The following HIGD1C variants were observed in gnomAD, a reference collection of about 807,000 sequenced individuals.
The protein encoded by HIGD1C is HIG1 hypoxia inducible domain family member 1C.
Under a neutral mutation model 13.1 loss-of-function variants are expected in HIGD1C, and 11 were observed. That is an observed-to-expected ratio of 0.84 (90% CI 0.53 to 1.39). The LOEUF (loss-of-function observed/expected upper bound fraction) is 1.39, where lower values mean the gene tolerates loss of function less well. Among genes scored for constraint, HIGD1C ranks in the 40% most tolerant of loss-of-function variants. The probability of loss-of-function intolerance (pLI) is 0.00; values close to 1 mark genes in which losing one functional copy is unlikely to be tolerated. For missense variants in HIGD1C, 110 were observed against 112.0 expected (o/e 0.98, Z 0.08); for synonymous variants, 36 against 37.7 (o/e 0.95, Z 0.17).
At chr12:50,936,620 T>G in the HIGD1C span, among the ~76,000 whole-genome samples, 1 of 152,362 alleles carries the variant, frequency 6.6e-6, no homozygotes, top group Middle Eastern at 3.4e-3. Flanking sequence ...CAAGATCATC[T>G]TCTGAGTCCA....
intron 1 of HIGD1C, among the ~76,000 whole-genome samples, chr12:50,959,222 C>G (rs1347979288): frequency 6.6e-6 from 1 of 151,728 alleles, no homozygotes; most frequent in African/African-American, 2.4e-5. Flanking sequence ...CGGGTTCAAG[C>G]GATTCTCCTG....
chr12:50,961,158 A>G, intron 2 of HIGD1C, 56 bp downstream of exon 4: 1 of 1,548,666 alleles, frequency 6.5e-7, no homozygotes, highest in South Asian at 1.2e-5. Context: ...ACATTTATTT[A>G]TTTTATTCAT....
At chr12:50,962,560 T>C (rs1939377883) in intron 2 of HIGD1C, among the ~76,000 whole-genome samples, 2 of 151,450 alleles carry the variant, frequency 1.3e-5, no homozygotes, top group African/African-American at 2.4e-5. Flanking sequence ...ATTAGCCAGG[T>C]GTGGCATGCG....
At chr12:50,946,282 A>G in the HIGD1C span, among the ~76,000 whole-genome samples, 1 of 152,250 alleles carries the variant, frequency 6.6e-6, no homozygotes, top group Non-Finnish European at 1.5e-5. Flanking sequence ...CTACCATCAG[A>G]GTGAACAAGC....
At chr12:50,936,790 T>C in the HIGD1C span, among the ~76,000 whole-genome samples, 1 of 152,252 alleles carries the variant, frequency 6.6e-6, no homozygotes, top group Admixed American at 6.5e-5. Flanking sequence ...CCTCATACTT[T>C]TGCCAATCCT....
rs551984964 is a variant in HIGD1C at position 50,958,651 on chromosome 12, T to C, written c.95-2317T>C. Among the ~76,000 whole-genome samples the C allele has an allele frequency of 2.2e-4, 33 of 152,136 alleles. 1 individual carries two copies. The East Asian group carries it at 5.2e-3, about 24-fold the overall frequency. On this transcript the variant is annotated intron_variant, in intron 1 of 2. Transcript: ENST00000398455. The stretch of plus-strand genomic sequence containing the variant: ...CTGGCTGATATTAAGGCTTACTATA[T>C]TGCTACAGTAATCAACATGGTGTGG...
the HIGD1C span, among the ~76,000 whole-genome samples, chr12:50,945,436 A>G: frequency 1.3e-5 from 2 of 152,200 alleles, no homozygotes; most frequent in Non-Finnish European, 2.9e-5. Context: ...CCTATACACC[A>G]ATAACAGACA....
the HIGD1C span, among the ~76,000 whole-genome samples, chr12:50,936,293 A>G: frequency 6.6e-6 from 1 of 152,260 alleles, no homozygotes; most frequent in East Asian, 1.9e-4. Flanking sequence ...ATTTATTTAT[A>G]GAGACAGGAT....
At chr12:50,941,144 A>T in the HIGD1C span, among the ~76,000 whole-genome samples, 1 of 151,994 alleles carries the variant, frequency 6.6e-6, no homozygotes, top group East Asian at 1.9e-4. Context: ...GAGCCACCAT[A>T]CCCAGCTGAA....
chr12:50,934,165 G>A, the HIGD1C span, among the ~76,000 whole-genome samples: 6 of 152,204 alleles, frequency 3.9e-5, no homozygotes, highest in Admixed American at 1.3e-4. Flanking sequence ...GGATTTCACC[G>A]GATTTGGATC....
chr12:50,956,348 C>T (rs555199133), intron 1 of HIGD1C, among the ~76,000 whole-genome samples: 2 of 152,146 alleles, frequency 1.3e-5, no homozygotes, highest in South Asian at 2.1e-4. Flanking sequence ...GCCAAGATTG[C>T]GCCACTGCAC....
chr12:50,959,513 T>G (rs1295095968), intron 1 of HIGD1C, among the ~76,000 whole-genome samples: 1 of 152,236 alleles, frequency 6.6e-6, no homozygotes, highest in Admixed American at 6.5e-5. Context: ...AACTCTTACT[T>G]ATCCAAAAAT....
chr12:50,948,871 GAGGGGA>G, the HIGD1C span, among the ~76,000 whole-genome samples: 4 of 30,338 alleles, frequency 1.3e-4, no homozygotes, highest in South Asian at 2.4e-3. Flanking sequence ...GAGGAGGGGG[GAGGGGA>G]GGGGGAGGGG....
chr12:50,938,897 G>A, the HIGD1C span, among the ~76,000 whole-genome samples: 2 of 152,172 alleles, frequency 1.3e-5, no homozygotes, highest in African/African-American at 4.8e-5. Flanking sequence ...TTTTGCAACT[G>A]ACTCAATCTT....
chr12:50,960,019 G>A (rs1725227436), intron 1 of HIGD1C, among the ~76,000 whole-genome samples: 1 of 152,074 alleles, frequency 6.6e-6, no homozygotes, highest in South Asian at 2.1e-4. Flanking sequence ...TCTTTTTCTA[G>A]AATCTTTCCT....
upstream of HIGD1C, among the ~76,000 whole-genome samples, chr12:50,952,141 CAG>C (rs1426761493): frequency 7.3e-6 from 1 of 136,562 alleles, no homozygotes; most frequent in Non-Finnish European, 1.5e-5. Flanking sequence ...GATTGAAAAA[CAG>C]AATTATATCA....
the HIGD1C span, chr12:50,939,907 T>C: frequency 1.5e-5 from 2 of 131,418 alleles, no homozygotes; most frequent in Non-Finnish European, 3.1e-5. Context: ...ATTCCAATCA[T>C]CTGGATTTTT....
chr12:50,962,141 T>C (rs1939354193), intron 2 of HIGD1C, among the ~76,000 whole-genome samples: 1 of 152,176 alleles, frequency 6.6e-6, no homozygotes. Context: ...ATCCCACCAC[T>C]TTGGGATGCC....
intron 2 of HIGD1C, among the ~76,000 whole-genome samples, chr12:50,962,382 G>C (rs1305420050): frequency 6.6e-6 from 1 of 151,900 alleles, no homozygotes; most frequent in Non-Finnish European, 1.5e-5. Context: ...TTGCACTCCA[G>C]CCTGGGCAAT....
Sources: allele counts gnomAD v4.1 joint callset (sites outside exome capture counted in the v4.1 genomes callset), GRCh38; gene constraint gnomAD v4.1.1; transcripts MANE v1.5; gene names NCBI Gene and HGNC (gene_info 2026-07-23, HGNC 2026-07-21).